NCOR2: variants seen among roughly 807,000 people sequenced by gnomAD.
NCOR2 encodes the protein nuclear receptor corepressor 2, also known as CTG repeat protein 26.
Under a neutral mutation model 262.9 loss-of-function variants are expected in NCOR2, and 81 were observed. The ratio of observed to expected loss-of-function variants is 0.31; its 90% confidence interval spans 0.26 to 0.37. The LOEUF (loss-of-function observed/expected upper bound fraction) is 0.37, where lower values mean the gene tolerates loss of function less well. Among genes scored for constraint, NCOR2 ranks in the 10% least tolerant of loss-of-function variants. The probability of loss-of-function intolerance (pLI) is 1.00; values close to 1 mark genes in which losing one functional copy is unlikely to be tolerated. For synonymous variants in NCOR2, 1,659 were observed against 1,559.3 expected (o/e 1.06, Z -1.51); for missense variants, 3,385 against 3,621.4 (o/e 0.93, Z 1.68).
intron 11 of NCOR2, among the ~76,000 whole-genome samples, chr12:124,424,375 G>A (rs991795644): frequency 5.9e-5 from 9 of 152,050 alleles, no homozygotes; most frequent in Non-Finnish European, 1.3e-4. Flanking sequence ...TTGATTTGAC[G>A]TAGAAAGATC....
chr12:124,459,596 G>A (rs1287216268), intron 5 of NCOR2, among the ~76,000 whole-genome samples: 1 of 152,058 alleles, frequency 6.6e-6, no homozygotes, highest in Non-Finnish European at 1.5e-5. Flanking sequence ...TCACGAAACG[G>A]CCACACTCAC....
chr12:124,453,929 C>T (rs2045694804), intron 6 of NCOR2, among the ~76,000 whole-genome samples: 1 of 152,232 alleles, frequency 6.6e-6, no homozygotes, highest in Non-Finnish European at 1.5e-5. Flanking sequence ...AGGGATCCGT[C>T]CCTGCCGAGG....
At chr12:124,394,321 G>T (rs1347777147) in intron 16 of NCOR2, among the ~76,000 whole-genome samples, 1 of 152,342 alleles carries the variant, frequency 6.6e-6, no homozygotes, top group Middle Eastern at 3.4e-3. Flanking sequence ...AGGTCAGGGG[G>T]CTAAGGAGCT....
intron 1 of NCOR2, among the ~76,000 whole-genome samples, chr12:124,508,838 C>A (rs2049204369): frequency 6.6e-6 from 1 of 152,196 alleles, no homozygotes; most frequent in Admixed American, 6.5e-5. Context: ...GACGTGGTCA[C>A]TGGACGCCAC....
Position 124,389,126 on chromosome 12 carries a change from C to A in NCOR2, c.1877-3239G>T, listed in dbSNP as rs1400612253. 6.6e-6 allele frequency among the ~76,000 whole-genome samples: 1 copy of A among 152,244 alleles called. No individual in the cohort carries two copies. Among genetic ancestry groups the A allele is most frequent in the Non-Finnish European group, 1.5e-5 (1 of 68,032 alleles). ...TGGGATGCCCCTGGGCCAGGTATCA[C>A]CGGGGCGCAGCGTGCCGAGCTCCTC... On this transcript the variant is annotated intron_variant, in intron 16 of 46. Transcript: ENST00000405201. The surrounding 1 kb of genome is among the most constrained non-coding windows in gnomAD (Gnocchi z 4.4).
chr12:124,532,494 C>T (rs1255112066), intron 1 of NCOR2, among the ~76,000 whole-genome samples: 1 of 152,248 alleles, frequency 6.6e-6, no homozygotes, highest in East Asian at 1.9e-4. Flanking sequence ...AAGGGGGCTC[C>T]TGGGAGCATC....
chr12:124,346,595 G>A lies in NCOR2; in HGVS notation c.4328C>T (p.Pro1443Leu), dbSNP rs755465649. The change falls in exon 31 of 47, where the codon CCG becomes CTG. Residue 1443 changes from proline to leucine, a missense_variant. Pro to Leu is a moderately conservative substitution (Grantham distance 98, BLOSUM62 -3). Transcript: ENST00000405201. Reference sequence around the variant, plus strand: ...GATGGAGCCCTCCTTGAGCGGCCGCGGGGCCAGGGGCAGCTCGGGCGTGTG... The same window carrying A: ...GATGGAGCCCTCCTTGAGCGGCCGCAGGGCCAGGGGCAGCTCGGGCGTGTG... 1.1e-5 allele frequency: 18 copies of A among 1,578,308 alleles called. No individual in the cohort carries two copies. The highest frequency in any genetic ancestry group is 1.9e-4 in the Middle Eastern group (1 of 5,280).
rs747691656 is a variant in NCOR2, at chr12:124,495,142, C to A, written c.105+5G>T. 4 of 1,613,776 alleles carry A rather than the reference C, an allele frequency of 2.5e-6. No individual in the cohort carries two copies. The East Asian group carries it at 8.9e-5, about 36-fold the overall frequency. On this transcript the variant is annotated splice_donor_5th_base_variant and intron_variant, in intron 1 of 46. Coordinates refer to ENST00000405201, the Ensembl canonical transcript of NCOR2. This position sits in a 1 kb window ranked among gnomAD's most constrained non-coding sequence, Gnocchi z 4.4. Reference sequence around the variant, plus strand: ...CCCCAGGCGCACACATGTGCACCCCCTTACCGTGTGCGTCCGGGCGATCTG... The same window carrying A: ...CCCCAGGCGCACACATGTGCACCCCATTACCGTGTGCGTCCGGGCGATCTG...
At chr12:124,334,821 T>C in intron 40 of NCOR2, 3 of 597,426 alleles carry the variant, frequency 5.0e-6, no homozygotes, top group Non-Finnish European at 8.9e-6. Flanking sequence ...CCCAAGCTGG[T>C]AGTTGGCAGA....
intron 7 of NCOR2, among the ~76,000 whole-genome samples, chr12:124,438,214 T>G (rs2136410872): frequency 6.6e-6 from 1 of 152,124 alleles, no homozygotes; most frequent in South Asian, 2.1e-4. Context: ...ACGTTTAGGT[T>G]GAGCCCAGTG....
chr12:124,447,698 C>CT (rs549662911), intron 7 of NCOR2, among the ~76,000 whole-genome samples: 12,085 of 146,016 alleles, frequency 0.083, 1,189 homozygotes, highest in African/African-American at 0.24. Flanking sequence ...TTCTTTCTTT[C>CT]TTTTTTTTTT....
intron 16 of NCOR2, among the ~76,000 whole-genome samples, chr12:124,395,133 CAG>C (rs907496803): frequency 1.3e-5 from 2 of 152,216 alleles, no homozygotes; most frequent in Admixed American, 6.5e-5. Flanking sequence ...CCCTGCCACA[CAG>C]AGAGTGAGGC....
chr12:124,354,152 T>A (rs781503622), exon 27 of NCOR2: 9 of 1,609,952 alleles, frequency 5.6e-6, no homozygotes, highest in Non-Finnish European at 7.6e-6. Context: ...GTGCTGGGAA[T>A]GCCTTTGGTG....
intron 8 of NCOR2, among the ~76,000 whole-genome samples, chr12:124,433,867 C>CACACACACACACACACACACACACACAA (rs2044144687): frequency 2.5e-5 from 1 of 40,470 alleles, no homozygotes; most frequent in Admixed American, 2.6e-4. Flanking sequence ...CACACACACA[C>CACACACACACACACACACACACACACAA]ACACACACAC....
exon 14 of NCOR2, chr12:124,402,471 TCTC>T (rs1396354098): frequency 3.1e-6 from 5 of 1,612,682 alleles, no homozygotes; most frequent in Non-Finnish European, 4.2e-6. Context: ...TCCTTTTCCT[TCTC>T]CTTCTCATCT....
intron 42 of NCOR2, 40 bp from the exon 45 acceptor site, chr12:124,332,507 C>T (rs183355851): frequency 3.3e-5 from 53 of 1,613,050 alleles, no homozygotes; most frequent in East Asian, 6.7e-5. Flanking sequence ...CACTTGGTGC[C>T]GAGCTTGCAT....
In NCOR2 at chr12:124,481,297, G is replaced by A. The variant is rs1266995764; in HGVS notation, c.411+2299C>T. Among the ~76,000 whole-genome samples the A allele has an allele frequency of 6.6e-6, 1 of 152,098 alleles. No homozygotes were observed. Among genetic ancestry groups the A allele is most frequent in the Admixed American group, 6.5e-5 (1 of 15,274 alleles). On this transcript the variant is annotated intron_variant, in intron 3 of 46. Coordinates refer to ENST00000405201, the Ensembl canonical transcript of NCOR2. The surrounding 1 kb of genome is among the most constrained non-coding windows in gnomAD (Gnocchi z 4.6). The stretch of plus-strand genomic sequence containing the variant: ...GCAGTGCCCGAGAGGAACTGGCATC[G>A]ACACCAGTCCCAAGCCCAGACCCAA...
intron 17 of NCOR2, among the ~76,000 whole-genome samples, chr12:124,384,848 G>A (rs552796766): frequency 1.3e-5 from 2 of 152,122 alleles, no homozygotes; most frequent in Non-Finnish European, 2.9e-5. Flanking sequence ...GGGGAGCTAT[G>A]CAACCCCTCC....
At chr12:124,453,640 T>C (rs1462545555) in intron 6 of NCOR2, among the ~76,000 whole-genome samples, 1 of 152,216 alleles carries the variant, frequency 6.6e-6, no homozygotes, top group Non-Finnish European at 1.5e-5. Context: ...CGGCCTGAGC[T>C]GGCAATAAAT....
Sources: allele counts gnomAD v4.1 joint callset (sites outside exome capture counted in the v4.1 genomes callset), GRCh38; gene constraint gnomAD v4.1.1; non-coding constraint Gnocchi (gnomAD v3.1); transcripts MANE v1.5; gene names NCBI Gene and HGNC (gene_info 2026-07-23, HGNC 2026-07-21).